The following ATE1 variants were observed in gnomAD, a reference collection of about 807,000 sequenced individuals.
ATE1 encodes the protein arginyltransferase 1.
Under a neutral mutation model 70.5 loss-of-function variants are expected in ATE1, and 36 were observed. The observed-to-expected ratio is 0.51, with a 90% CI of 0.39 to 0.67. ATE1 has a LOEUF of 0.67. ATE1 is among the 30% of genes least tolerant of loss of function. The probability of loss-of-function intolerance (pLI) is 0.00; values close to 1 mark genes in which losing one functional copy is unlikely to be tolerated. For missense variants in ATE1, 593 were observed against 629.5 expected, an observed-to-expected ratio of 0.94 and a Z score of 0.62; for synonymous variants, 232 against 219.3, an observed-to-expected ratio of 1.06 and a Z score of -0.51.
intron 1 of ATE1, 25 bp downstream of exon 1, chr10:121,927,819 A>G (rs748947811): frequency 6.5e-7 from 1 of 1,538,466 alleles, no homozygotes; most frequent in East Asian, 2.5e-5. Flanking sequence ...CCGGCTTCCC[A>G]CGCCCGCCGG....
At chr10:121,757,711 A>T (rs1944865644) in intron 11 of ATE1, among the ~76,000 whole-genome samples, 1 of 152,190 alleles carries the variant, frequency 6.6e-6, no homozygotes, top group Non-Finnish European at 1.5e-5. Flanking sequence ...TACAGGAAAG[A>T]CTTGCCTCCA....
At chr10:121,870,395 T>G (rs1949809760) in intron 7 of ATE1, among the ~76,000 whole-genome samples, 1 of 152,162 alleles carries the variant, frequency 6.6e-6, no homozygotes, top group African/African-American at 2.4e-5. Flanking sequence ...TGACCTAAAT[T>G]TGACAGGCAA....
chr10:121,911,962 G>A (rs182554332), intron 4 of ATE1, among the ~76,000 whole-genome samples: 201 of 152,182 alleles, frequency 1.3e-3, no homozygotes, highest in Middle Eastern at 0.01. Flanking sequence ...TAGCCGGGAT[G>A]GTCTCGATCT....
At chr10:121,763,035 G>T (rs1165402072) in intron 11 of ATE1, among the ~76,000 whole-genome samples, 1 of 152,160 alleles carries the variant, frequency 6.6e-6, no homozygotes, top group Non-Finnish European at 1.5e-5. Context: ...ATACTACAGT[G>T]TACAATTTGC....
At chr10:121,782,528 C>T (rs1399925401) in intron 11 of ATE1, 3 of 152,218 alleles carry the variant, frequency 2.0e-5, no homozygotes, top group East Asian at 1.9e-4. Context: ...TGCCTTCTAA[C>T]ATCACACAAA....
At chr10:121,878,533 C>A (rs1352386195) in intron 7 of ATE1, among the ~76,000 whole-genome samples, 1 of 150,606 alleles carries the variant, frequency 6.6e-6, no homozygotes, top group Non-Finnish European at 1.5e-5. Context: ...GCAGAGGTTG[C>A]AGTGAACCGA....
chr10:121,827,971 T>C (rs1410597312), intron 10 of ATE1, among the ~76,000 whole-genome samples: 2 of 152,242 alleles, frequency 1.3e-5, no homozygotes, highest in East Asian at 3.9e-4. Context: ...CCTGTCTATA[T>C]ACTATGACGA....
At chr10:121,904,558 T>C (rs904883044) in intron 5 of ATE1, among the ~76,000 whole-genome samples, 2 of 149,618 alleles carry the variant, frequency 1.3e-5, no homozygotes, top group Non-Finnish European at 3.0e-5. Context: ...GGAGAATTGC[T>C]TGAACCCAGT....
intron 10 of ATE1, among the ~76,000 whole-genome samples, chr10:121,809,930 T>C (rs1413730058): frequency 1.3e-5 from 2 of 148,970 alleles, no homozygotes; most frequent in African/African-American, 4.9e-5. Flanking sequence ...ACCCAGAGGT[T>C]AGTGGTCAAC....
intron 11 of ATE1, among the ~76,000 whole-genome samples, chr10:121,787,233 G>A (rs1049191982): frequency 6.6e-6 from 1 of 152,168 alleles, no homozygotes; most frequent in Non-Finnish European, 1.5e-5. Flanking sequence ...ACTGGAAAGA[G>A]AAACAAGATT....
Position 121,870,183 on chromosome 10 carries a change from T to C in ATE1, c.943-145A>G, listed in dbSNP as rs532949444. 9.8e-5 allele frequency: 71 copies of C among 724,122 alleles called. No homozygotes were observed. In the East Asian group the frequency reaches 1.7e-3, roughly 18 times the overall value. 44.9% of individuals were successfully genotyped at this position (724,122 alleles called of 1,614,324 possible). ...AGATTATAGAAAATTAATGTGTCCA[T>C]AAAATTCATCCAGAGAATAGAAAGG... is the stretch of plus-strand genomic sequence containing the variant. On this transcript the variant is annotated intron_variant, in intron 7 of 11. Coordinates refer to ENST00000224652, the MANE Select transcript of ATE1 (RefSeq NM_001001976.3).
rs3036893 is a variant in ATE1, at chr10:121,789,296, C to CTTTTTTTTTT, written c.1378+863_1378+872dup. Among the ~76,000 whole-genome samples, 45 of 92,682 alleles carry CTTTTTTTTTT rather than the reference C, an allele frequency of 4.9e-4. 2 individuals are homozygous for CTTTTTTTTTT. Among genetic ancestry groups the CTTTTTTTTTT allele is most frequent in the Non-Finnish European group, 5.8e-4 (29 of 50,384 alleles). 60.8% of individuals were successfully genotyped at this position (92,682 alleles called of 152,430 possible). ...CAGGAAGCCTAACTCCAGGGCTATG[C>CTTTTTTTTTT]TTTTTTTTTTTTTTTTTTTTGAGAC... On this transcript the variant is annotated intron_variant, in intron 11 of 11. Coordinates refer to ENST00000224652, the MANE Select transcript of ATE1 (RefSeq NM_001001976.3).
At chr10:121,851,890 G>C (rs1239282707) in intron 8 of ATE1, among the ~76,000 whole-genome samples, 2 of 152,226 alleles carry the variant, frequency 1.3e-5, no homozygotes, top group Admixed American at 1.3e-4. Flanking sequence ...TGACTTCTGT[G>C]ATTAATGACC....
intron 10 of ATE1, among the ~76,000 whole-genome samples, chr10:121,819,090 G>A (rs1053162902): frequency 6.6e-6 from 1 of 152,158 alleles, no homozygotes; most frequent in African/African-American, 2.4e-5. Context: ...TAAATGTGCT[G>A]ATAAAAGAAG....
intron 7 of ATE1, among the ~76,000 whole-genome samples, chr10:121,882,143 C>T (rs1189960162): frequency 1.3e-5 from 2 of 152,102 alleles, no homozygotes; most frequent in African/African-American, 2.4e-5. Flanking sequence ...ATTAAAAATT[C>T]TCAAAGACTA....
chr10:121,871,691 T>C (rs1949866505), intron 7 of ATE1, among the ~76,000 whole-genome samples: 2 of 152,008 alleles, frequency 1.3e-5, no homozygotes, highest in South Asian at 2.1e-4. Flanking sequence ...TAGGCCCTAG[T>C]TGACAATATA....
chr10:121,860,169 T>A (rs1440125683), intron 8 of ATE1, among the ~76,000 whole-genome samples: 1 of 152,150 alleles, frequency 6.6e-6, no homozygotes, highest in Admixed American at 6.5e-5. Flanking sequence ...TTCACTTAGT[T>A]TTGAGGGACC....
At chr10:121,913,207 C>A (rs902973376) in intron 4 of ATE1, among the ~76,000 whole-genome samples, 2 of 151,946 alleles carry the variant, frequency 1.3e-5, no homozygotes, top group African/African-American at 4.8e-5. Flanking sequence ...GAAATAAAAC[C>A]AAAATTAGTA....
intron 10 of ATE1, among the ~76,000 whole-genome samples, chr10:121,803,344 A>C (rs1433529480): frequency 2.6e-5 from 4 of 152,228 alleles, no homozygotes; most frequent in Non-Finnish European, 5.9e-5. Flanking sequence ...TTGCATTTAA[A>C]TATGTTTTAA....
Sources: allele counts gnomAD v4.1 joint callset (sites outside exome capture counted in the v4.1 genomes callset), GRCh38; gene constraint gnomAD v4.1.1; transcripts MANE v1.5; gene names NCBI Gene and HGNC (gene_info 2026-07-23, HGNC 2026-07-21).